Variants in GRID1 observed in about 807,000 individuals in gnomAD.
GRID1 encodes the protein glutamate receptor ionotropic, delta-1.
A neutral mutation model predicts 98.0 loss-of-function variants in GRID1; 28 were observed. That is an observed-to-expected ratio of 0.29 (90% CI 0.21 to 0.39). The LOEUF is 0.39. Ranked by LOEUF, GRID1 falls within the 10% of genes least tolerant of loss-of-function variation. The pLI is 1.00. For synonymous variants in GRID1, 553 were observed against 538.5 expected (o/e 1.03, Z -0.37); for missense variants, 1,111 against 1,340.5 (o/e 0.83, Z 2.67).
At chr10:85,892,020 T>C (rs1278280584) in intron 5 of GRID1, among the ~76,000 whole-genome samples, 2 of 151,558 alleles carry the variant, frequency 1.3e-5, no homozygotes, top group Non-Finnish European at 2.9e-5. Context: ...GTAAAGAAGA[T>C]AGAGCAAAAC....
At chr10:86,276,735 C>T (rs1847276129) in intron 2 of GRID1, among the ~76,000 whole-genome samples, 1 of 152,150 alleles carries the variant, frequency 6.6e-6, no homozygotes, top group Admixed American at 6.5e-5. Context: ...AGTGTCCCAC[C>T]TGCCTCAACC....
chr10:85,710,670 G>C (rs1011007253), intron 12 of GRID1, among the ~76,000 whole-genome samples: 1 of 151,924 alleles, frequency 6.6e-6, no homozygotes, highest in South Asian at 2.1e-4. Context: ...AGAGTGAAAA[G>C]GCAACCTGCT....
At chr10:85,947,027 T>A (rs934525397) in intron 4 of GRID1, among the ~76,000 whole-genome samples, 3 of 152,070 alleles carry the variant, frequency 2.0e-5, no homozygotes, top group Non-Finnish European at 4.4e-5. Context: ...GTGATGACAA[T>A]GAACCAGGGC....
intron 4 of GRID1, among the ~76,000 whole-genome samples, chr10:86,001,057 T>C (rs1394027702): frequency 3.3e-5 from 5 of 152,170 alleles, no homozygotes; most frequent in Admixed American, 3.3e-4. Context: ...TGGATGAATC[T>C]AAAAGGCATT....
intron 8 of GRID1, among the ~76,000 whole-genome samples, chr10:85,849,069 C>T (rs1843033864): frequency 6.6e-6 from 1 of 152,168 alleles, no homozygotes; most frequent in Admixed American, 6.5e-5. Flanking sequence ...ACTTCCCAGG[C>T]TCCTAGCACC....
In GRID1 at chr10:85,724,580, G is replaced by A; in HGVS notation, c.1630C>T (p.Leu544=). 1.2e-6 allele frequency: 2 copies of A among 1,613,442 alleles called. No homozygotes were observed. Among genetic ancestry groups the A allele is most frequent in the South Asian group, 2.2e-5 (2 of 91,080 alleles). Residue 544 remains leucine (L), a synonymous_variant, in exon 11 of 16, where the codon CTA becomes TTA. Coordinates refer to ENST00000327946, the MANE Select transcript of GRID1 (RefSeq NM_017551.3). ...ATTTTCTCCTCGGGCTTCTTAATTA[G>A]AATCCCCACTGAATAGTCCATGTAC... ...KRYMDYSVGI[L]IKKPEEKISI... is the part of the protein sequence containing the mutation.
intron 5 of GRID1, among the ~76,000 whole-genome samples, chr10:85,914,815 T>C (rs1271870673): frequency 1.3e-5 from 2 of 152,140 alleles, no homozygotes; most frequent in Non-Finnish European, 2.9e-5. Flanking sequence ...AATTGATCAG[T>C]AATTTAGGAG....
At chr10:85,734,653 T>C (rs1241392175) in intron 8 of GRID1, among the ~76,000 whole-genome samples, 2 of 152,102 alleles carry the variant, frequency 1.3e-5, no homozygotes, top group Non-Finnish European at 2.9e-5. Flanking sequence ...TCATATTGGG[T>C]AGGAAACTTT....
chr10:85,724,394 G>T lies in GRID1; in HGVS notation c.1816C>A (p.His606Asn). The change falls in exon 11 of 16, where the codon CAC becomes AAC. Residue 606 changes from histidine to asparagine, a missense_variant. This residue lies in a region of GRID1 where 762 missense variants were observed against 869.1 expected (regional missense o/e 0.88). Coordinates refer to ENST00000327946, the MANE Select transcript of GRID1 (RefSeq NM_017551.3). Reference sequence around the variant, plus strand: ...CCATAGACAATCCAGATGGCGCTGTGCAGAGTGGCAGAAGCTGACGGCCTG... The same window carrying T: ...CCATAGACAATCCAGATGGCGCTGTTCAGAGTGGCAGAAGCTGACGGCCTG... Reference protein sequence around the residue: ...QPRPSASATLHSAIWIVYGAF... With the variant: ...QPRPSASATLNSAIWIVYGAF... The T allele has an allele frequency of 6.2e-7, 1 of 1,614,142 alleles. No homozygotes were observed. The highest frequency in any genetic ancestry group is 8.5e-7 in the Non-Finnish European group (1 of 1,180,004).
intron 2 of GRID1, among the ~76,000 whole-genome samples, chr10:86,262,076 C>A (rs539243358): frequency 1.6e-4 from 24 of 152,326 alleles, no homozygotes; most frequent in African/African-American, 5.1e-4. Flanking sequence ...CAGGAGGTGG[C>A]AGTGGTGAAT....
chr10:86,339,814 G>A (rs971726040), intron 2 of GRID1, among the ~76,000 whole-genome samples: 6 of 152,190 alleles, frequency 3.9e-5, no homozygotes, highest in Non-Finnish European at 7.3e-5. Flanking sequence ...AAGGCACGGC[G>A]CTAGAGATGA....
At chr10:86,223,191 C>T (rs1428812446) in intron 2 of GRID1, among the ~76,000 whole-genome samples, 1 of 152,162 alleles carries the variant, frequency 6.6e-6, no homozygotes, top group Non-Finnish European at 1.5e-5. Flanking sequence ...TGGCTGAGAG[C>T]GGGATGGCTA....
intron 4 of GRID1, among the ~76,000 whole-genome samples, chr10:85,977,899 T>A (rs1273329985): frequency 6.6e-6 from 1 of 151,964 alleles, no homozygotes; most frequent in African/African-American, 2.4e-5. Context: ...CTGGCAGAGG[T>A]CTGGTCTATC....
intron 12 of GRID1, among the ~76,000 whole-genome samples, chr10:85,652,475 T>C (rs1200342282): frequency 6.6e-6 from 1 of 152,194 alleles, no homozygotes; most frequent in Non-Finnish European, 1.5e-5. Flanking sequence ...CCTATTATTC[T>C]TCCTTAAGGA....
chr10:85,924,524 G>A (rs1841748829), intron 4 of GRID1, among the ~76,000 whole-genome samples: 1 of 152,150 alleles, frequency 6.6e-6, no homozygotes, highest in Non-Finnish European at 1.5e-5. Flanking sequence ...ACTGAGCGTT[G>A]AACCTCCTGA....
chr10:86,254,966 C>A (rs983889399), intron 2 of GRID1, among the ~76,000 whole-genome samples: 2 of 152,212 alleles, frequency 1.3e-5, no homozygotes, highest in Non-Finnish European at 2.9e-5. Flanking sequence ...GAGAAAGCCA[C>A]ATGAGGAAGC....
intron 4 of GRID1, among the ~76,000 whole-genome samples, chr10:86,117,449 C>G (rs1435116631): frequency 6.6e-6 from 1 of 151,988 alleles, no homozygotes; most frequent in Non-Finnish European, 1.5e-5. Context: ...CATCCTACCA[C>G]CACCACCATT....
At chr10:85,845,449 G>T (rs927815642) in intron 8 of GRID1, among the ~76,000 whole-genome samples, 3 of 152,118 alleles carry the variant, frequency 2.0e-5, no homozygotes, top group Admixed American at 1.3e-4. Context: ...CATGAATTAG[G>T]TTACTCAATA....
At chr10:85,965,260 A>G (rs1295489604) in intron 4 of GRID1, among the ~76,000 whole-genome samples, 1 of 152,228 alleles carries the variant, frequency 6.6e-6, no homozygotes, top group African/African-American at 2.4e-5. Flanking sequence ...TAGAAATACC[A>G]TTTGATCCAG....
Sources: gnomAD v4.1 joint callset for allele counts (sites outside exome capture counted in the v4.1 genomes callset) on GRCh38, gnomAD v4.1.1 for gene constraint, gnomAD v4.1.1 regional missense constraint, MANE v1.5 for transcripts, NCBI Gene and HGNC (gene_info 2026-07-23, HGNC 2026-07-21) for gene names.